Variants in SEPTIN7 observed in about 807,000 individuals in gnomAD.
The protein encoded by SEPTIN7 is septin-7.
A neutral mutation model predicts 63.3 loss-of-function variants in SEPTIN7; 10 were observed. The ratio of observed to expected loss-of-function variants is 0.16; its 90% confidence interval spans 0.10 to 0.27. SEPTIN7 has a LOEUF of 0.27. Ranked by LOEUF, SEPTIN7 falls within the 10% of genes least tolerant of loss-of-function variation. The probability of loss-of-function intolerance (pLI) is 1.00; values close to 1 mark genes in which losing one functional copy is unlikely to be tolerated. For missense variants in SEPTIN7, 310 were observed against 521.0 expected, an observed-to-expected ratio of 0.59 and a Z score of 3.94; for synonymous variants, 131 against 165.3, an observed-to-expected ratio of 0.79 and a Z score of 1.59.
At chr7:35,819,051 G>A (rs886893277) in intron 1 of SEPTIN7, among the ~76,000 whole-genome samples, 1 of 151,958 alleles carries the variant, frequency 6.6e-6, no homozygotes, top group Non-Finnish European at 1.5e-5. Context: ...GGAAGGTTAT[G>A]ATGTGAGATC....
Position 35,904,396 on chromosome 7 carries a change from A to C in SEPTIN7, c.*103A>C. ...ACCAATTTGCACCAGTTTTATCCAT[A>C]ATGATGGATTTAACAGCATGACAAA... On this transcript the variant is annotated 3_prime_UTR_variant, in exon 14 of 14. Coordinates refer to ENST00000350320, the MANE Select transcript of SEPTIN7 (RefSeq NM_001788.6). 7.9e-6 allele frequency: 7 copies of C among 883,088 alleles called. No individual in the cohort carries two copies. The highest frequency in any genetic ancestry group is 1.2e-5 in the Non-Finnish European group (7 of 603,086). 54.7% of individuals were successfully genotyped at this position (883,088 alleles called of 1,614,324 possible).
Position 35,904,325 on chromosome 7 carries a change from T to C in SEPTIN7, c.*32T>C. 1 of 1,522,690 alleles carries C rather than the reference T, an allele frequency of 6.6e-7. No individual in the cohort carries two copies. The highest frequency in any genetic ancestry group is 8.9e-7 in the Non-Finnish European group (1 of 1,129,778). 94.3% of individuals were successfully genotyped at this position (1,522,690 alleles called of 1,614,324 possible). On this transcript the variant is annotated 3_prime_UTR_variant, in exon 14 of 14. Coordinates refer to ENST00000350320, the MANE Select transcript of SEPTIN7 (RefSeq NM_001788.6). ...TATTGACCACCAGTTAACGTATTAGTTGCCAATATGCCAGCTTGGACATCA... is the reference window on the plus strand; with the variant it reads ...TATTGACCACCAGTTAACGTATTAGCTGCCAATATGCCAGCTTGGACATCA...
chr7:35,889,499 T>G (rs1787503617), intron 10 of SEPTIN7, among the ~76,000 whole-genome samples: 1 of 152,232 alleles, frequency 6.6e-6, no homozygotes, highest in Non-Finnish European at 1.5e-5. Flanking sequence ...GAAGTAACAG[T>G]AAAGGTTCTC....
intron 1 of SEPTIN7, among the ~76,000 whole-genome samples, chr7:35,827,350 C>T (rs1371345057): frequency 6.6e-6 from 1 of 152,088 alleles, no homozygotes; most frequent in Non-Finnish European, 1.5e-5. Context: ...TTCACACTGG[C>T]ACTGTGAACA....
rs547707873 is a variant in SEPTIN7 at position 35,852,587 on chromosome 7, C to T, written c.170-10965C>T. On this transcript the variant is annotated intron_variant, in intron 3 of 13. Coordinates refer to ENST00000350320, the MANE Select transcript of SEPTIN7 (RefSeq NM_001788.6). ...TCAGGTGCTATATTTTACTCTGCTA[C>T]CAAGTAAAAGGACTGCTCACTCATT... Among the ~76,000 whole-genome samples, 8 of 152,226 alleles carry T rather than the reference C, an allele frequency of 5.3e-5. No individual in the cohort carries two copies. The South Asian group carries it at 1.7e-3, about 32-fold the overall frequency.
intron 1 of SEPTIN7, among the ~76,000 whole-genome samples, chr7:35,830,726 T>C (rs1368351087): frequency 6.6e-6 from 1 of 152,234 alleles, no homozygotes; most frequent in African/African-American, 2.4e-5. Context: ...ATATAACTCA[T>C]AGATTTGTAT....
rs77928169 is a variant in SEPTIN7 at position 35,845,775 on chromosome 7, A to G, written c.169+12875A>G. Among the ~76,000 whole-genome samples the G allele has an allele frequency of 9.0e-3, 1,376 of 152,270 alleles. 24 individuals are homozygous for G. The highest frequency in any genetic ancestry group is 0.031 in the African/African-American group (1,304 of 41,536). On this transcript the variant is annotated intron_variant, in intron 3 of 13. Transcript: ENST00000350320. ...TATCTTGTTTTCCCTGGACTGTGTC[A>G]GGTATTTAATGTTAGTGATAGGAAG...
At chr7:35,876,440 T>C (rs866134131) in intron 6 of SEPTIN7, among the ~76,000 whole-genome samples, 1 of 152,220 alleles carries the variant, frequency 6.6e-6, no homozygotes, top group African/African-American at 2.4e-5. Context: ...TGAAAAACCA[T>C]AACAATTTAG....
At chr7:35,884,376 A>G (rs1232614600) in intron 9 of SEPTIN7, among the ~76,000 whole-genome samples, 1 of 152,210 alleles carries the variant, frequency 6.6e-6, no homozygotes, top group East Asian at 1.9e-4. Flanking sequence ...TATAGCACAG[A>G]TATTCCAAAA....
intron 3 of SEPTIN7, 88 bp from the exon 4 acceptor site, chr7:35,863,464 A>G: frequency 1.4e-6 from 1 of 707,218 alleles, no homozygotes; most frequent in South Asian, 1.9e-5. Context: ...GTACTTGCAT[A>G]AGGCAAGTTT....
At chr7:35,898,585 G>C (rs1219413084) in intron 12 of SEPTIN7, 2 of 466,862 alleles carry the variant, frequency 4.3e-6, no homozygotes, top group Non-Finnish European at 7.8e-6. Context: ...CAAGTGCTTG[G>C]ACGTAGTATA....
the SEPTIN7 span, among the ~76,000 whole-genome samples, chr7:35,915,249 G>A: frequency 4.7e-5 from 7 of 149,912 alleles, no homozygotes; most frequent in South Asian, 2.2e-4. Flanking sequence ...GGCACAGATC[G>A]CTCATACACA....
At chr7:35,862,974 A>G (rs1248932632) in intron 3 of SEPTIN7, among the ~76,000 whole-genome samples, 4 of 152,102 alleles carry the variant, frequency 2.6e-5, no homozygotes, top group Non-Finnish European at 4.4e-5. Context: ...CTCGAGTAGA[A>G]GCAATATAAA....
intron 4 of SEPTIN7, among the ~76,000 whole-genome samples, chr7:35,867,430 AC>A (rs1283842102): frequency 1.3e-5 from 2 of 152,108 alleles, no homozygotes; most frequent in Admixed American, 6.5e-5. Context: ...GTTCACTACA[AC>A]CTCCACCTCC....
chr7:35,891,546 A>G (rs1347096390), intron 11 of SEPTIN7, among the ~76,000 whole-genome samples: 4 of 152,182 alleles, frequency 2.6e-5, no homozygotes, highest in Non-Finnish European at 5.9e-5. Context: ...CAGTAAAAAT[A>G]CAGTGTAAAA....
rs1422047881 is a variant in SEPTIN7, at chr7:35,865,973, C to T, written c.276+2315C>T. ...TCTGTTGTGAATATCTTCCCAGAAA[C>T]TCTCTTTATCTTGAAAACAAAGGGG... On this transcript the variant is annotated intron_variant, in intron 4 of 13. Transcript: ENST00000350320. 2.6e-5 allele frequency among the ~76,000 whole-genome samples: 4 copies of T among 152,188 alleles called. No individual in the cohort carries two copies. In the East Asian group the frequency reaches 7.7e-4, roughly 29 times the overall value.
rs1219835963 is a variant in SEPTIN7, at chr7:35,806,462, T to A, written c.61+5192T>A. ...AACTGGTTCCCACTACAAGACCCATTGATTAGCAATCTCTGGGAGAGGGAC... is the reference window on the plus strand; with the variant it reads ...AACTGGTTCCCACTACAAGACCCATAGATTAGCAATCTCTGGGAGAGGGAC... On this transcript the variant is annotated intron_variant, in intron 1 of 13. Coordinates refer to ENST00000350320, the MANE Select transcript of SEPTIN7 (RefSeq NM_001788.6). Among the ~76,000 whole-genome samples, 3 of 152,212 alleles carry A rather than the reference T, an allele frequency of 2.0e-5. No homozygotes were observed. In the East Asian group the frequency reaches 5.8e-4, roughly 29 times the overall value.
At chr7:35,814,870 G>T (rs1583493449) in intron 1 of SEPTIN7, among the ~76,000 whole-genome samples, 1 of 151,724 alleles carries the variant, frequency 6.6e-6, no homozygotes, top group Non-Finnish European at 1.5e-5. Flanking sequence ...AGCTACTCGG[G>T]AGGCTGAGGC....
intron 10 of SEPTIN7, among the ~76,000 whole-genome samples, chr7:35,886,095 A>G (rs544250710): frequency 6.6e-6 from 1 of 152,360 alleles, no homozygotes; most frequent in South Asian, 2.1e-4. Flanking sequence ...ACATAGGAAA[A>G]TTAGTCTCTT....
Sources: allele counts gnomAD v4.1 joint callset (sites outside exome capture counted in the v4.1 genomes callset), GRCh38; gene constraint gnomAD v4.1.1; transcripts MANE v1.5; gene names NCBI Gene and HGNC (gene_info 2026-07-23, HGNC 2026-07-21).